Variants in SULF1 observed in about 807,000 individuals in gnomAD.
SULF1 encodes sulfatase 1, also known as extracellular sulfatase Sulf-1.
A neutral mutation model predicts 110.5 loss-of-function variants in SULF1; 46 were observed. The ratio of observed to expected loss-of-function variants is 0.42; its 90% CI spans 0.33 to 0.53. The LOEUF (loss-of-function observed/expected upper bound fraction) is 0.53, where lower values mean the gene tolerates loss of function less well. Ranked by LOEUF, SULF1 falls within the 20% of genes least tolerant of loss-of-function variation. The pLI is 0.12. For synonymous variants in SULF1, 371 were observed against 387.1 expected (o/e 0.96, Z 0.49); for missense variants, 941 against 1,094.2 (o/e 0.86, Z 1.98).
At chr8:69,539,849 G>C (rs953441850) in intron 3 of SULF1, among the ~76,000 whole-genome samples, 3 of 152,170 alleles carry the variant, frequency 2.0e-5, no homozygotes, top group Admixed American at 6.5e-5. Flanking sequence ...ACAGCTGCAG[G>C]TTCATGAGCC....
chr8:69,481,317 A>G (rs1483865080), intron 1 of SULF1, among the ~76,000 whole-genome samples: 2 of 152,206 alleles, frequency 1.3e-5, no homozygotes, highest in African/African-American at 4.8e-5. Flanking sequence ...GAGAATGTGA[A>G]GATAAAGTGG....
Position 69,589,045 on chromosome 8 carries a change from G to A in SULF1, c.638G>A (p.Arg213Lys). ...ATGTCTAAGAGAATGTATCCCCATA[G>A]GCCCGTTATGATGGTGATCAGCCAC... Reference protein sequence around the residue: ...FKMSKRMYPHRPVMMVISHAA... With the variant: ...FKMSKRMYPHKPVMMVISHAA... The change falls in exon 8 of 23, where the codon AGG becomes AAG. Residue 213 changes from arginine to lysine, a missense_variant. By Grantham distance (26) the Arg-to-Lys change is conservative. Around this residue, in one of 3 missense-constraint regions of SULF1, gnomAD observed 822 missense variants for 934.3 expected, o/e 0.88. Coordinates refer to ENST00000402687, the MANE Select transcript of SULF1 (RefSeq NM_001128205.2). 6.2e-7 allele frequency: 1 copy of A among 1,614,152 alleles called. No individual in the cohort carries two copies. The highest frequency in any genetic ancestry group is 8.5e-7 in the Non-Finnish European group (1 of 1,179,992).
At chr8:69,608,212 T>G (rs1457788038) in intron 13 of SULF1, among the ~76,000 whole-genome samples, 1 of 152,224 alleles carries the variant, frequency 6.6e-6, no homozygotes, top group Non-Finnish European at 1.5e-5. Context: ...GTCTCAGGTT[T>G]TCTATCTCTA....
At chr8:69,630,906 G>A (rs1586593310) in intron 19 of SULF1, among the ~76,000 whole-genome samples, 1 of 152,058 alleles carries the variant, frequency 6.6e-6, no homozygotes, top group African/African-American at 2.4e-5. Flanking sequence ...CCATGCTGGT[G>A]TGCTGCACCC....
chr8:69,608,255 A>C (rs1808380484), intron 13 of SULF1, among the ~76,000 whole-genome samples: 1 of 152,184 alleles, frequency 6.6e-6, no homozygotes, highest in Non-Finnish European at 1.5e-5. Flanking sequence ...CCTTGTGAGG[A>C]TTAAGTGATA....
Position 69,603,144 on chromosome 8 carries a change from C to T in SULF1, c.1062-48C>T, listed in dbSNP as rs752257322. On this transcript the variant is annotated intron_variant, in intron 10 of 22. Coordinates refer to ENST00000402687, the MANE Select transcript of SULF1 (RefSeq NM_001128205.2). ...GTAGAAAAAGCAGCCCTAAGTGCCA[C>T]CTTCCCCTGGCATTGGATCTCAGCC... 4.3e-6 allele frequency: 7 copies of T among 1,609,730 alleles called. No individual in the cohort carries two copies. The South Asian group carries it at 6.6e-5, about 15-fold the overall frequency.
intron 22 of SULF1, among the ~76,000 whole-genome samples, chr8:69,646,408 A>C (rs992739631): frequency 2.1e-5 from 3 of 145,088 alleles, no homozygotes; most frequent in Non-Finnish European, 3.0e-5. Flanking sequence ...TCGTGAGGTC[A>C]GTACTATTAT....
At chr8:69,577,904 C>T (rs1022139150) in intron 6 of SULF1, among the ~76,000 whole-genome samples, 4 of 152,184 alleles carry the variant, frequency 2.6e-5, no homozygotes, top group Non-Finnish European at 5.9e-5. Context: ...TGATTCTCTT[C>T]TGCCTCATTC....
At chr8:69,552,675 C>T (rs1162217081) in intron 3 of SULF1, among the ~76,000 whole-genome samples, 1 of 152,186 alleles carries the variant, frequency 6.6e-6, no homozygotes, top group Non-Finnish European at 1.5e-5. Context: ...AATACTTAAC[C>T]AACCAATGGC....
chr8:69,567,408 A>G (rs1233661765), intron 5 of SULF1, among the ~76,000 whole-genome samples: 3 of 152,248 alleles, frequency 2.0e-5, no homozygotes, highest in African/African-American at 4.8e-5. Context: ...TGTTAAGTAC[A>G]TTTACATTGG....
intron 13 of SULF1, 54 bp from the exon 14 acceptor site, chr8:69,620,981 A>C: frequency 6.8e-7 from 1 of 1,465,860 alleles, no homozygotes; most frequent in Non-Finnish European, 9.3e-7. Flanking sequence ...GCAGCTCTTA[A>C]TAAATAACAC....
upstream of SULF1, among the ~76,000 whole-genome samples, chr8:69,490,102 C>CT (rs59483735): frequency 0.055 from 6,391 of 117,170 alleles, 280 homozygotes; most frequent in South Asian, 0.12. Flanking sequence ...CCATACTTTT[C>CT]TTTTTTTTTT....
intron 3 of SULF1, among the ~76,000 whole-genome samples, chr8:69,537,787 C>G (rs1813525541): frequency 6.6e-6 from 1 of 152,222 alleles, no homozygotes; most frequent in African/African-American, 2.4e-5. Context: ...CAACTTTTGA[C>G]TTTCAACTTC....
chr8:69,535,080 T>C (rs1467194974), intron 3 of SULF1, among the ~76,000 whole-genome samples: 1 of 152,212 alleles, frequency 6.6e-6, no homozygotes, highest in African/African-American at 2.4e-5. Flanking sequence ...CAAATGATAA[T>C]TCCAGAGAAT....
At chr8:69,625,681 G>A (rs113084127) in intron 15 of SULF1, among the ~76,000 whole-genome samples, 5 of 152,302 alleles carry the variant, frequency 3.3e-5, no homozygotes, top group Admixed American at 6.5e-5. Flanking sequence ...ACAGATCTTC[G>A]CGGTGAGTGT....
At chr8:69,648,052 G>A (rs184777139) in intron 22 of SULF1, among the ~76,000 whole-genome samples, 1 of 150,752 alleles carries the variant, frequency 6.6e-6, no homozygotes, top group Admixed American at 6.6e-5. Context: ...TCCATTTCAA[G>A]CTAAAACATA....
At chr8:69,655,653 C>A (rs7836798) in intron 22 of SULF1, among the ~76,000 whole-genome samples, 1 of 151,998 alleles carries the variant, frequency 6.6e-6, no homozygotes, top group Non-Finnish European at 1.5e-5. Flanking sequence ...GTGATTCACC[C>A]GCCTCATCCT....
At chr8:69,490,747 G>C (rs904442992), upstream of SULF1, among the ~76,000 whole-genome samples, 1 of 152,064 alleles carries the variant, frequency 6.6e-6, no homozygotes. Flanking sequence ...TCCTAGTTCT[G>C]TCACTTTCTA....
At chr8:69,626,942 GCTC>G (rs1810118517) in intron 15 of SULF1, among the ~76,000 whole-genome samples, 1 of 152,244 alleles carries the variant, frequency 6.6e-6, no homozygotes, top group Non-Finnish European at 1.5e-5. Context: ...GGGCCGAAGG[GCTC>G]CTCAAGTGCC....
Sources: allele counts gnomAD v4.1 joint callset (sites outside exome capture counted in the v4.1 genomes callset), GRCh38; gene constraint gnomAD v4.1.1; regional missense constraint gnomAD v4.1.1; transcripts MANE v1.5; gene names NCBI Gene and HGNC (gene_info 2026-07-23, HGNC 2026-07-21).